ATP8A2: variants seen among roughly 807,000 people sequenced by gnomAD.
ATP8A2 encodes phospholipid-transporting ATPase IB.
Under a neutral mutation model 165.6 loss-of-function variants are expected in ATP8A2, and 100 were observed. The observed-to-expected ratio is 0.60, with a 90% CI of 0.51 to 0.71. The LOEUF (loss-of-function observed/expected upper bound fraction) is 0.71, where lower values mean the gene tolerates loss of function less well. Among genes scored for constraint, ATP8A2 ranks in the 30% least tolerant of loss-of-function variants. The pLI is 0.00. For missense variants in ATP8A2, 1,227 were observed against 1,479.5 expected, an observed-to-expected ratio of 0.83 and a Z score of 2.80; for synonymous variants, 543 against 548.8, an observed-to-expected ratio of 0.99 and a Z score of 0.15.
Position 26,008,438 on chromosome 13 carries a change from G to A in ATP8A2, c.3378-4093G>A, listed in dbSNP as rs1462692451. ...AGGGAGAAGGGGAATGAAAAACATG[G>A]GAGAGATTGAGGGATGTGGAAGATA... On this transcript the variant is annotated intron_variant, in intron 35 of 36. Transcript: ENST00000381655. Among the ~76,000 whole-genome samples, 6 of 152,074 alleles carry A rather than the reference G, an allele frequency of 3.9e-5. No individual in the cohort carries two copies. The East Asian group carries it at 1.2e-3, about 29-fold the overall frequency.
At chr13:25,704,519 A>G (rs535793297) in intron 25 of ATP8A2, among the ~76,000 whole-genome samples, 1 of 152,030 alleles carries the variant, frequency 6.6e-6, no homozygotes, top group South Asian at 2.1e-4. Context: ...ATTTTTTTAT[A>G]GAGATGGAGG....
intron 23 of ATP8A2, among the ~76,000 whole-genome samples, chr13:25,583,225 T>C (rs2039824310): frequency 6.6e-6 from 1 of 152,234 alleles, no homozygotes; most frequent in Non-Finnish European, 1.5e-5. Context: ...GTATATACAT[T>C]GACCCTTTAT....
At chr13:25,477,862 G>A (rs1253779623) in intron 2 of ATP8A2, among the ~76,000 whole-genome samples, 1 of 152,126 alleles carries the variant, frequency 6.6e-6, no homozygotes, top group Non-Finnish European at 1.5e-5. Flanking sequence ...GCTTGAACCC[G>A]GGAGGTGGAG....
rs1421091974 is a variant in ATP8A2, at chr13:26,025,771, G to A, written c.*5786G>A. On this transcript the variant is annotated 3_prime_UTR_variant, in exon 37 of 37. Transcript: ENST00000381655. The stretch of plus-strand genomic sequence containing the variant: ...TTTTTAGAAGTTTTGGGAGAATTTA[G>A]TGATTTGTGGCTTTGATCAATCCTG... 6.6e-6 allele frequency: 1 copy of A among 152,246 alleles called. No individual in the cohort carries two copies. Among genetic ancestry groups the A allele is most frequent in the African/African-American group, 2.4e-5 (1 of 41,452 alleles). 9.4% of individuals were successfully genotyped at this position (152,246 alleles called of 1,614,324 possible). A position where few individuals can be genotyped will look rare whatever the true frequency, so the allele number is the denominator to read the frequency against.
chr13:25,737,582 C>T (rs1269974645), intron 25 of ATP8A2, among the ~76,000 whole-genome samples: 2 of 152,238 alleles, frequency 1.3e-5, no homozygotes, highest in Non-Finnish European at 2.9e-5. Flanking sequence ...TCACTGGAGC[C>T]TTGACCTCCA....
chr13:25,429,446 T>C (rs936648898), intron 1 of ATP8A2, among the ~76,000 whole-genome samples: 1 of 150,846 alleles, frequency 6.6e-6, no homozygotes, highest in Admixed American at 6.6e-5. Flanking sequence ...CTCCGAATTC[T>C]GGGGGATTCA....
intron 24 of ATP8A2, among the ~76,000 whole-genome samples, chr13:25,638,204 C>T (rs1195747829): frequency 2.0e-5 from 3 of 152,194 alleles, no homozygotes; most frequent in Admixed American, 1.3e-4. Flanking sequence ...GAGCACCTCT[C>T]CCCCTCCAAA....
At chr13:25,617,494 G>A (rs940028186) in intron 24 of ATP8A2, among the ~76,000 whole-genome samples, 15 of 152,156 alleles carry the variant, frequency 9.9e-5, no homozygotes, top group South Asian at 2.1e-4. Context: ...GGATAGTTTT[G>A]TGAGTAGAAA....
intron 33 of ATP8A2, among the ~76,000 whole-genome samples, chr13:25,936,322 G>A (rs1954888151): frequency 6.6e-6 from 1 of 152,220 alleles, no homozygotes; most frequent in African/African-American, 2.4e-5. Flanking sequence ...CAGAACAGAT[G>A]TTGGGGATTA....
At position 25,584,357 on chromosome 13, in the gene ATP8A2, G is replaced by A. The variant is rs547213359; in HGVS notation, c.2146+2400G>A. ...TCTAAGCCTGTTTTCTAGTCATATA[G>A]CCCTCATACCCCTGGTAGTATGAAC... On this transcript the variant is annotated intron_variant, in intron 23 of 36. Transcript: ENST00000381655. Among the ~76,000 whole-genome samples the A allele has an allele frequency of 4.6e-5, 7 of 152,198 alleles. No individual in the cohort carries two copies. In the East Asian group the frequency reaches 1.4e-3, roughly 29 times the overall value.
rs1041468193 is a variant in ATP8A2, at chr13:25,741,394, T to C, written c.2385-27652T>C. 2.6e-5 allele frequency among the ~76,000 whole-genome samples: 4 copies of C among 152,170 alleles called. 1 individual carries two copies. Among genetic ancestry groups the C allele is most frequent in the Admixed American group, 2.0e-4 (3 of 15,278 alleles). On this transcript the variant is annotated intron_variant, in intron 25 of 36. Coordinates refer to ENST00000381655, the MANE Select transcript of ATP8A2 (RefSeq NM_016529.6). ...AACATTTTAGTTGTTTGTTTGTTTG[T>C]GTTTAGACAGGGACTTGCTTCTGCT...
intron 2 of ATP8A2, among the ~76,000 whole-genome samples, chr13:25,482,133 AG>A (rs2036223800): frequency 6.6e-6 from 1 of 152,132 alleles, no homozygotes; most frequent in African/African-American, 2.4e-5. Context: ...TATAAATATA[AG>A]CTCTGATAGC....
intron 1 of ATP8A2, among the ~76,000 whole-genome samples, chr13:25,381,075 T>C (rs942785385): frequency 2.0e-5 from 3 of 152,184 alleles, no homozygotes; most frequent in Non-Finnish European, 4.4e-5. Context: ...TAATCTCTAA[T>C]AGAATCTGGT....
chr13:25,703,982 A>G (rs1053498252), intron 25 of ATP8A2, among the ~76,000 whole-genome samples: 1 of 152,268 alleles, frequency 6.6e-6, no homozygotes, highest in Non-Finnish European at 1.5e-5. Context: ...GAATTCATCC[A>G]TTTAAATGAA....
intron 33 of ATP8A2, among the ~76,000 whole-genome samples, chr13:25,888,074 C>A (rs1465291594): frequency 7.4e-6 from 1 of 134,548 alleles, no homozygotes. Flanking sequence ...CCAGACCCCC[C>A]CCCCGCCCCA....
intron 1 of ATP8A2, among the ~76,000 whole-genome samples, chr13:25,464,520 G>T (rs566488958): frequency 2.0e-5 from 3 of 151,144 alleles, no homozygotes; most frequent in Non-Finnish European, 2.9e-5. Flanking sequence ...GCCATCTAGA[G>T]ACCTGGTGTG....
At chr13:25,851,858 T>G (rs1309227688) in intron 30 of ATP8A2, among the ~76,000 whole-genome samples, 1 of 152,102 alleles carries the variant, frequency 6.6e-6, no homozygotes. Context: ...TAAAAATGTT[T>G]TTTTCTTTTT....
At chr13:25,480,600 C>T (rs530240674) in intron 2 of ATP8A2, among the ~76,000 whole-genome samples, 30 of 151,580 alleles carry the variant, frequency 2.0e-4, no homozygotes, top group Non-Finnish European at 4.0e-4. Flanking sequence ...GATGGGATGG[C>T]GGCCGGGAAG....
At chr13:25,664,702 T>A (rs543379601) in intron 24 of ATP8A2, among the ~76,000 whole-genome samples, 4 of 152,046 alleles carry the variant, frequency 2.6e-5, no homozygotes, top group Non-Finnish European at 4.4e-5. Context: ...TATAGAAAGA[T>A]CCCCAGAGAG....
Sources: allele counts gnomAD v4.1 joint callset (sites outside exome capture counted in the v4.1 genomes callset), GRCh38; gene constraint gnomAD v4.1.1; transcripts MANE v1.5; gene names NCBI Gene and HGNC (gene_info 2026-07-23, HGNC 2026-07-21).